Variants in ELAPOR2 observed in about 807,000 individuals in gnomAD.
ELAPOR2 encodes the protein endosome/lysosome-associated apoptosis and autophagy regulator family member 2.
ELAPOR2 carries 89 observed loss-of-function variants against 120.7 expected under a neutral mutation model. The observed-to-expected ratio is 0.74, with a 90% CI of 0.62 to 0.88. The LOEUF (loss-of-function observed/expected upper bound fraction) is 0.88. Ranked by LOEUF, ELAPOR2 falls within the 40% of genes least tolerant of loss-of-function variation. The probability of loss-of-function intolerance (pLI) is 0.00; values close to 1 mark genes in which losing one functional copy is unlikely to be tolerated. For missense variants in ELAPOR2, 1,134 were observed against 1,251.6 expected, an observed-to-expected ratio of 0.91 and a Z score of 1.42; for synonymous variants, 444 against 444.9, an observed-to-expected ratio of 1.00 and a Z score of 0.03.
chr7:86,923,466 C>A (rs1789917927), intron 10 of ELAPOR2, among the ~76,000 whole-genome samples: 1 of 152,040 alleles, frequency 6.6e-6, no homozygotes, highest in Non-Finnish European at 1.5e-5. Flanking sequence ...AATAACTTAA[C>A]AATGTTACAT....
At chr7:86,894,960 T>C (rs1423037367) in intron 19 of ELAPOR2, among the ~76,000 whole-genome samples, 1 of 152,046 alleles carries the variant, frequency 6.6e-6, no homozygotes, top group Non-Finnish European at 1.5e-5. Flanking sequence ...GCTCTTTTTG[T>C]TTATATCAGC....
At chr7:86,944,255 T>C (rs1039312261) in intron 4 of ELAPOR2, among the ~76,000 whole-genome samples, 1 of 152,126 alleles carries the variant, frequency 6.6e-6, no homozygotes, top group East Asian at 1.9e-4. Flanking sequence ...TGTTTATTAC[T>C]AATGGTTAAG....
intron 12 of ELAPOR2, 92 bp from the exon 13 acceptor site, chr7:86,914,952 G>T: frequency 9.8e-7 from 1 of 1,020,952 alleles, no homozygotes; most frequent in Non-Finnish European, 1.4e-6. Context: ...CATATTTAAA[G>T]TAAACCCATT....
At chr7:86,930,194 T>A (rs1790265518) in intron 8 of ELAPOR2, among the ~76,000 whole-genome samples, 1 of 151,994 alleles carries the variant, frequency 6.6e-6, no homozygotes, top group East Asian at 1.9e-4. Context: ...GTGGTGACTA[T>A]ACTGAAAACA....
chr7:86,894,411 A>T lies in ELAPOR2; in HGVS notation c.2686-1311T>A, dbSNP rs548271714. On this transcript the variant is annotated intron_variant, in intron 19 of 21. Transcript: ENST00000450689. ...GAAACAAATTCGTCAGCAAATGTTGACTTTATTTCAAGTGCATTCTAACAA... is the reference window on the plus strand; with the variant it reads ...GAAACAAATTCGTCAGCAAATGTTGTCTTTATTTCAAGTGCATTCTAACAA... 7.0e-4 allele frequency among the ~76,000 whole-genome samples: 106 copies of T among 152,194 alleles called. 1 individual carries two copies. Among genetic ancestry groups the T allele is most frequent in the African/African-American group, 2.4e-3 (98 of 41,550 alleles).
At chr7:86,998,286 C>A (rs1793191326) in intron 1 of ELAPOR2, among the ~76,000 whole-genome samples, 1 of 152,158 alleles carries the variant, frequency 6.6e-6, no homozygotes, top group Non-Finnish European at 1.5e-5. Flanking sequence ...CATACCCTTC[C>A]TTTAGCATTT....
intron 1 of ELAPOR2, among the ~76,000 whole-genome samples, chr7:87,026,024 C>T (rs1189757131): frequency 2.0e-5 from 3 of 152,138 alleles, no homozygotes; most frequent in Non-Finnish European, 2.9e-5. Context: ...TCTACCAAAA[C>T]ACAAAATCAA....
intron 1 of ELAPOR2, among the ~76,000 whole-genome samples, chr7:86,980,128 A>G (rs903591819): frequency 1.3e-5 from 2 of 152,220 alleles, no homozygotes; most frequent in Admixed American, 1.3e-4. Flanking sequence ...GTTGGAAAAA[A>G]TTATTGTACA....
intron 1 of ELAPOR2, among the ~76,000 whole-genome samples, chr7:86,996,685 AACG>A (rs1793135575): frequency 6.6e-6 from 1 of 152,238 alleles, no homozygotes; most frequent in Non-Finnish European, 1.5e-5. Flanking sequence ...GTATGAAAGT[AACG>A]ACACCACTTA....
chr7:87,023,368 T>C (rs1461434900), intron 1 of ELAPOR2, among the ~76,000 whole-genome samples: 3 of 152,184 alleles, frequency 2.0e-5, no homozygotes, highest in African/African-American at 7.2e-5. Flanking sequence ...AAAGATCAGA[T>C]AGTTGCAGAT....
chr7:87,012,173 A>T (rs937489834), intron 1 of ELAPOR2, among the ~76,000 whole-genome samples: 8 of 152,210 alleles, frequency 5.3e-5, no homozygotes, highest in Non-Finnish European at 7.3e-5. Context: ...GCACTTCGGG[A>T]GGCCAAGGTG....
chr7:86,937,326 A>G (rs1790601940), intron 8 of ELAPOR2, among the ~76,000 whole-genome samples: 2 of 152,156 alleles, frequency 1.3e-5, no homozygotes, highest in East Asian at 1.9e-4. Context: ...CAAAAACAAG[A>G]GAAGAAAGTA....
In ELAPOR2 at chr7:86,878,052, A is replaced by C. The variant is rs1799236807; in HGVS notation, c.*2419T>G. On this transcript the variant is annotated 3_prime_UTR_variant, in exon 22 of 22. Coordinates refer to ENST00000450689, the MANE Select transcript of ELAPOR2 (RefSeq NM_001142749.3). ...GATGTTATAGGCAACAGTTGACTTAATGAAGTAGTTAAGGCTTCAAAATTG... is the reference window on the plus strand; with the variant it reads ...GATGTTATAGGCAACAGTTGACTTACTGAAGTAGTTAAGGCTTCAAAATTG... 1 of 152,226 alleles carries C rather than the reference A, an allele frequency of 6.6e-6. No homozygotes were observed. Among genetic ancestry groups the C allele is most frequent in the Non-Finnish European group, 1.5e-5 (1 of 68,038 alleles). The allele number at this position is 152,226 out of a possible 1,614,324, so 9.4% of individuals were successfully genotyped here. A position where few individuals can be genotyped will look rare whatever the true frequency, so the allele number is the denominator to read the frequency against.
chr7:86,988,947 T>A (rs950920323), intron 1 of ELAPOR2, among the ~76,000 whole-genome samples: 1 of 152,204 alleles, frequency 6.6e-6, no homozygotes, highest in African/African-American at 2.4e-5. Context: ...AGTGAAAGCC[T>A]AATGAGTAAA....
At chr7:87,006,495 C>T (rs1200747995) in intron 1 of ELAPOR2, among the ~76,000 whole-genome samples, 1 of 151,886 alleles carries the variant, frequency 6.6e-6, no homozygotes, top group Non-Finnish European at 1.5e-5. Flanking sequence ...GCACATTCTG[C>T]ACATGGACCC....
intron 1 of ELAPOR2, among the ~76,000 whole-genome samples, chr7:87,005,102 T>G (rs1793430596): frequency 6.6e-6 from 1 of 152,106 alleles, no homozygotes. Flanking sequence ...CAGCTAGCAA[T>G]GATTTATGAA....
rs768870903 is a variant in ELAPOR2, at chr7:86,891,777, C to T, written c.2977G>A (p.Val993Ile). ...AGTAGTGACTGTTTATTGGAATATA[C>T]AACTTCCTCTTCATTATCTTCTCCT... ...MEGEDNEEEV[V>I]YSNKQSLLGK... is the part of the protein sequence containing the mutation. The change falls in exon 21 of 22, where the codon GTA becomes ATA. Residue 993 changes from valine to isoleucine, a missense_variant. By Grantham distance (29) the Val-to-Ile change is conservative. Coordinates refer to ENST00000450689, the MANE Select transcript of ELAPOR2 (RefSeq NM_001142749.3). The T allele has an allele frequency of 1.9e-5, 31 of 1,612,040 alleles. No homozygotes were observed. Among genetic ancestry groups the T allele is most frequent in the Non-Finnish European group, 2.5e-5 (29 of 1,178,804 alleles).
chr7:87,057,934 T>C (rs1352944780), intron 1 of ELAPOR2, among the ~76,000 whole-genome samples: 1 of 152,250 alleles, frequency 6.6e-6, no homozygotes, highest in Non-Finnish European at 1.5e-5. Flanking sequence ...CAATCTGAGA[T>C]GTCCAAGAAG....
At chr7:86,941,315 G>T (rs746478067) in intron 5 of ELAPOR2, 1 of 530,934 alleles carries the variant, frequency 1.9e-6, no homozygotes, top group South Asian at 1.4e-5. Context: ...CCAAAGAGAT[G>T]GTGCCTCAAA....
Sources: gnomAD v4.1 joint callset for allele counts (sites outside exome capture counted in the v4.1 genomes callset) on GRCh38, gnomAD v4.1.1 for gene constraint, MANE v1.5 for transcripts, NCBI Gene and HGNC (gene_info 2026-07-23, HGNC 2026-07-21) for gene names.